PPM1L: variants seen among roughly 807,000 people sequenced by gnomAD.
PPM1L encodes protein phosphatase, Mg2+/Mn2+ dependent 1L, also known as protein phosphatase 1L.
In PPM1L, 13 loss-of-function variants were observed where a neutral mutation model predicts 31.4. The observed-to-expected ratio is 0.41, with a 90% CI of 0.27 to 0.66. The LOEUF is 0.66. Among genes scored for constraint, PPM1L ranks in the 30% least tolerant of loss-of-function variants. PPM1L has a pLI of 0.29. For missense variants in PPM1L, 326 were observed against 453.7 expected, an observed-to-expected ratio of 0.72 and a Z score of 2.56; for synonymous variants, 184 against 175.4, an observed-to-expected ratio of 1.05 and a Z score of -0.39.
At chr3:160,758,020 AAC>A (rs1384049050) in intron 1 of PPM1L, among the ~76,000 whole-genome samples, 4 of 152,254 alleles carry the variant, frequency 2.6e-5, no homozygotes, top group Non-Finnish European at 5.9e-5. Context: ...TTGTAGAACC[AAC>A]TTTGCCAAGA....
chr3:160,831,738 T>C (rs1039030737), intron 1 of PPM1L, among the ~76,000 whole-genome samples: 2 of 152,134 alleles, frequency 1.3e-5, no homozygotes, highest in Non-Finnish European at 2.9e-5. Flanking sequence ...TTGTAAGAAA[T>C]TTAGATTTGA....
intron 2 of PPM1L, among the ~76,000 whole-genome samples, chr3:161,009,218 A>G (rs927937441): frequency 6.6e-6 from 1 of 152,232 alleles, no homozygotes; most frequent in African/African-American, 2.4e-5. Context: ...ACTCCTGGTT[A>G]CATGAGCTGT....
At chr3:161,029,203 A>G (rs1718492626) in intron 2 of PPM1L, among the ~76,000 whole-genome samples, 1 of 152,208 alleles carries the variant, frequency 6.6e-6, no homozygotes, top group African/African-American at 2.4e-5. Flanking sequence ...CTGGTGGCCA[A>G]CATTTTACAT....
At chr3:160,863,794 C>G (rs747427243) in intron 1 of PPM1L, among the ~76,000 whole-genome samples, 1 of 152,200 alleles carries the variant, frequency 6.6e-6, no homozygotes, top group African/African-American at 2.4e-5. Context: ...CACTGTTCTA[C>G]TTGAGCACCC....
intron 1 of PPM1L, among the ~76,000 whole-genome samples, chr3:160,865,101 T>A (rs1712043727): frequency 6.6e-6 from 1 of 152,220 alleles, no homozygotes; most frequent in Admixed American, 6.5e-5. Context: ...GTATCCAGTT[T>A]TGATGCCAAA....
intron 1 of PPM1L, among the ~76,000 whole-genome samples, chr3:160,909,451 T>C (rs191816513): frequency 6.6e-6 from 1 of 152,188 alleles, no homozygotes; most frequent in Non-Finnish European, 1.5e-5. Flanking sequence ...TTTAGACTTA[T>C]TAAGTTTGAG....
intron 1 of PPM1L, among the ~76,000 whole-genome samples, chr3:160,785,852 A>G (rs565133095): frequency 4.3e-5 from 6 of 138,362 alleles, no homozygotes; most frequent in South Asian, 2.2e-4. Flanking sequence ...TTTTTTTTAC[A>G]TATGTCTTTC....
At chr3:161,023,040 T>G (rs1235598111) in intron 2 of PPM1L, among the ~76,000 whole-genome samples, 1 of 152,176 alleles carries the variant, frequency 6.6e-6, no homozygotes, top group African/African-American at 2.4e-5. Flanking sequence ...CACTTCGATA[T>G]GTTGTCCCAC....
intron 2 of PPM1L, among the ~76,000 whole-genome samples, chr3:161,053,579 A>G (rs1264992031): frequency 1.3e-5 from 2 of 152,380 alleles, no homozygotes; most frequent in East Asian, 1.9e-4. Flanking sequence ...TGACACATCT[A>G]TACTTTAACT....
chr3:161,068,784 A>G, intron 3 of PPM1L, 27 bp from the exon 4 acceptor site: 2 of 1,571,136 alleles, frequency 1.3e-6, no homozygotes, highest in Non-Finnish European at 1.7e-6. Flanking sequence ...AGCTGGTCAA[A>G]CTAATGGGCT....
At chr3:160,984,605 A>G (rs1175270108) in intron 2 of PPM1L, among the ~76,000 whole-genome samples, 2 of 152,176 alleles carry the variant, frequency 1.3e-5, no homozygotes, top group East Asian at 3.8e-4. Context: ...GAATTGATAA[A>G]TGTCCATGAA....
intron 1 of PPM1L, among the ~76,000 whole-genome samples, chr3:160,879,921 C>T (rs983622206): frequency 6.6e-6 from 1 of 152,130 alleles, no homozygotes; most frequent in Non-Finnish European, 1.5e-5. Context: ...AGTATGATTG[C>T]CGTGTGTTGA....
At chr3:160,787,339 AT>A (rs1223870129) in intron 1 of PPM1L, among the ~76,000 whole-genome samples, 18 of 152,082 alleles carry the variant, frequency 1.2e-4, no homozygotes, top group Admixed American at 1.2e-3. Context: ...TTTGATTTGT[AT>A]TTCTTTAATG....
At chr3:160,875,840 C>G (rs924278672) in intron 1 of PPM1L, among the ~76,000 whole-genome samples, 2 of 152,162 alleles carry the variant, frequency 1.3e-5, no homozygotes, top group Admixed American at 1.3e-4. Context: ...TGCAGAATGG[C>G]TATGAGTGAT....
chr3:160,858,842 T>G (rs558661684), intron 1 of PPM1L, among the ~76,000 whole-genome samples: 7 of 152,266 alleles, frequency 4.6e-5, no homozygotes, highest in African/African-American at 1.7e-4. Context: ...GTTATTATGG[T>G]AGACACTTGT....
chr3:161,021,222 G>T (rs1461173404), intron 2 of PPM1L, among the ~76,000 whole-genome samples: 2 of 151,828 alleles, frequency 1.3e-5, no homozygotes, highest in Non-Finnish European at 1.5e-5. Flanking sequence ...AGTTTTGGGT[G>T]TATGTTCATT....
intron 2 of PPM1L, among the ~76,000 whole-genome samples, chr3:161,035,469 C>T (rs1244175472): frequency 6.6e-6 from 1 of 152,192 alleles, no homozygotes; most frequent in Non-Finnish European, 1.5e-5. Flanking sequence ...GACAGACATG[C>T]TAAAGGCTGT....
intron 1 of PPM1L, among the ~76,000 whole-genome samples, chr3:160,899,715 C>G (rs1713475019): frequency 6.6e-6 from 1 of 152,036 alleles, no homozygotes; most frequent in Admixed American, 6.6e-5. Context: ...TTTATTTGTA[C>G]TGCCTTTGGG....
intron 1 of PPM1L, among the ~76,000 whole-genome samples, chr3:160,952,712 T>G (rs2108099529): frequency 6.6e-6 from 1 of 152,346 alleles, no homozygotes; most frequent in Non-Finnish European, 1.5e-5. Flanking sequence ...TTGACATGAG[T>G]GCAAAGATCA....
Sources: allele counts gnomAD v4.1 joint callset (sites outside exome capture counted in the v4.1 genomes callset), GRCh38; gene constraint gnomAD v4.1.1; transcripts MANE v1.5; gene names NCBI Gene and HGNC (gene_info 2026-07-23, HGNC 2026-07-21).